IL6ST: variants seen among roughly 807,000 people sequenced by gnomAD.
The protein encoded by IL6ST is interleukin 6 cytokine family signal transducer.
Under a neutral mutation model 91.3 loss-of-function variants are expected in IL6ST, and 24 were observed. The ratio of observed to expected loss-of-function variants is 0.26; its 90% CI spans 0.19 to 0.37. The LOEUF is 0.37. IL6ST is among the 10% of genes least tolerant of loss of function. The pLI is 1.00. For missense variants in IL6ST, 914 were observed against 1,078.5 expected (o/e 0.85, Z 2.14); for synonymous variants, 351 against 373.6 (o/e 0.94, Z 0.70).
At chr5:55,951,412 T>C in intron 14 of IL6ST, 52 bp downstream of exon 14, 2 of 1,418,176 alleles carry the variant, frequency 1.4e-6, no homozygotes, top group Non-Finnish European at 2.0e-6. Flanking sequence ...ACTAAGTTCA[T>C]TTCTAACCTA....
In IL6ST at chr5:55,936,684, A is replaced by G. The variant is rs568909129; in HGVS notation, c.*4398T>C. 1 of 193,434 alleles carries G rather than the reference A, an allele frequency of 5.2e-6. No individual in the cohort carries two copies. Among genetic ancestry groups the G allele is most frequent in the Admixed American group, 6.1e-5 (1 of 16,392 alleles). The allele number at this position is 193,434 out of a possible 1,614,324, so 12.0% of individuals were successfully genotyped here. A position where few individuals can be genotyped will look rare whatever the true frequency, so the allele number is the denominator to read the frequency against. On this transcript the variant is annotated 3_prime_UTR_variant, in exon 17 of 17. Coordinates refer to ENST00000381298, the MANE Select transcript of IL6ST (RefSeq NM_002184.4). ...GTATTTATTTCTTAAAATTTACTTA[A>G]GGGATTAGAGCTAATATATAATAGA...
chr5:55,952,666 C>T (rs1751709623), intron 11 of IL6ST, among the ~76,000 whole-genome samples: 1 of 152,102 alleles, frequency 6.6e-6, no homozygotes, highest in Admixed American at 6.6e-5. Context: ...TATGTCTTAC[C>T]TACAAGAGAG....
chr5:55,952,394 A>G, intron 11 of IL6ST, 43 bp from the exon 12 acceptor site: 1 of 1,164,132 alleles, frequency 8.6e-7, no homozygotes, highest in Non-Finnish European at 1.3e-6. Context: ...TCCATAATGA[A>G]AAAGTCAAGT....
At chr5:55,951,678 G>C in intron 13 of IL6ST, 74 bp from the exon 14 acceptor site, 1 of 1,406,300 alleles carries the variant, frequency 7.1e-7, no homozygotes, top group Non-Finnish European at 9.7e-7. Context: ...TTGGCATTGT[G>C]AAAGTGTTAA....
In IL6ST at chr5:55,939,530, C is replaced by T. The variant is rs1271927895; in HGVS notation, c.*1552G>A. ...CAAGTTTTCTTAGCTTTCTATTCTC[C>T]AATAACCTCTAGAAACTATTCTAAG... On this transcript the variant is annotated 3_prime_UTR_variant, in exon 17 of 17. Transcript: ENST00000381298. 3.9e-5 allele frequency: 8 copies of T among 205,624 alleles called. No homozygotes were observed. In the Admixed American group the frequency reaches 4.7e-4, roughly 12 times the overall value. 12.7% of individuals were successfully genotyped at this position (205,624 alleles called of 1,614,324 possible).
At chr5:55,942,643 A>G in intron 16 of IL6ST, 27 bp downstream of exon 16, 1 of 1,308,852 alleles carries the variant, frequency 7.6e-7, no homozygotes. Flanking sequence ...TGTATATTAT[A>G]AACAACTCAG....
intron 8 of IL6ST, among the ~76,000 whole-genome samples, chr5:55,959,463 T>A (rs573555991): frequency 4.6e-4 from 70 of 152,136 alleles, no homozygotes; most frequent in Middle Eastern, 3.2e-3. Flanking sequence ...GATAGGAAGG[T>A]CTCAAAATGA....
At position 55,982,815 on chromosome 5, in the gene IL6ST, T is replaced by G. The variant is rs1440219050; in HGVS notation, c.-103-4A>C. 3 of 398,180 alleles carry G rather than the reference T, an allele frequency of 7.5e-6. No homozygotes were observed. Among genetic ancestry groups the G allele is most frequent in the Admixed American group, 8.8e-5 (2 of 22,702 alleles). 24.7% of individuals were successfully genotyped at this position (398,180 alleles called of 1,614,324 possible). ...ATGCTTTTTCCATTGGGTTTCACTGTAAAGAGAGGAGAGTCTTGTTCAGAA... is the reference window on the plus strand; with the variant it reads ...ATGCTTTTTCCATTGGGTTTCACTGGAAAGAGAGGAGAGTCTTGTTCAGAA... On this transcript the variant is annotated splice_polypyrimidine_tract_variant and splice_region_variant and intron_variant, in intron 1 of 16. Transcript: ENST00000381298.
In IL6ST at chr5:55,936,290, G is replaced by A. The variant is rs1208582082; in HGVS notation, c.*4792C>T. 2.2e-5 allele frequency: 5 copies of A among 223,494 alleles called. No homozygotes were observed. The Admixed American group carries it at 2.9e-4, about 13-fold the overall frequency. The allele number at this position is 223,494 out of a possible 1,614,324, so 13.8% of individuals were successfully genotyped here. ...CAGAGTGCAGGGTGGGCACAGACAG[G>A]CCACAAGATGGCGCAGCACCTCCAT... On this transcript the variant is annotated 3_prime_UTR_variant, in exon 17 of 17. Transcript: ENST00000381298.
At position 55,969,639 on chromosome 5, in the gene IL6ST, A is replaced by C. The variant is rs150561363; in HGVS notation, c.281T>G (p.Ile94Arg). ...RTASSVTFTD[I>R]ASLNIQLTCN... is the part of the protein sequence containing the mutation. Reference sequence around the variant, plus strand: ...AGTGAGCTGAATATTTAATGAAGCTATATCTGTAAAGGTGACACTGGATGC... The same window carrying C: ...AGTGAGCTGAATATTTAATGAAGCTCTATCTGTAAAGGTGACACTGGATGC... Residue 94 changes from isoleucine to arginine, a missense_variant, in exon 4 of 17, where the codon ATA becomes AGA. Ile to Arg is a moderately conservative substitution (Grantham distance 97). Coordinates refer to ENST00000381298, the MANE Select transcript of IL6ST (RefSeq NM_002184.4). 7.4e-6 allele frequency: 12 copies of C among 1,611,472 alleles called. No homozygotes were observed. Among genetic ancestry groups the C allele is most frequent in the South Asian group, 1.1e-5 (1 of 91,028 alleles).
intron 16 of IL6ST, 77 bp from the exon 17 acceptor site, chr5:55,941,896 T>A: frequency 8.3e-7 from 1 of 1,211,232 alleles, no homozygotes; most frequent in Non-Finnish European, 1.2e-6. Flanking sequence ...AACTTCCCAG[T>A]AACTCTCAGT....
Position 55,937,676 on chromosome 5 carries a change from TA to T in IL6ST, c.*3405del, listed in dbSNP as rs1750624313. Reference sequence around the variant, plus strand: ...AGAAAAGTACAAATTTTTTAGAAAGTAATCTTATCAGCACAATATAATCTAA... The same window carrying T: ...AGAAAAGTACAAATTTTTTAGAAAGTATCTTATCAGCACAATATAATCTAA... On this transcript the variant is annotated 3_prime_UTR_variant, in exon 17 of 17. Transcript: ENST00000381298. The T allele has an allele frequency of 5.1e-6, 1 of 194,680 alleles. No homozygotes were observed. Among genetic ancestry groups the T allele is most frequent in the Non-Finnish European group, 1.1e-5 (1 of 93,998 alleles). The allele number at this position is 194,680 out of a possible 1,614,324, so 12.1% of individuals were successfully genotyped here. A position where few individuals can be genotyped will look rare whatever the true frequency, so the allele number is the denominator to read the frequency against.
At position 55,964,144 on chromosome 5, in the gene IL6ST, ACCT is replaced by A; in HGVS notation, c.657_658+1del. ...AACTCTCAAATTCAGGTTTATAACT[ACCT>A]TTATATACAGGATCAAAATTGATAT... On this transcript the variant is annotated splice_donor_variant and coding_sequence_variant, in exon 6 of 17. Transcript: ENST00000381298. LOFTEE classifies it high-confidence loss of function. 6.5e-7 allele frequency: 1 copy of A among 1,540,716 alleles called. No individual in the cohort carries two copies. The highest frequency in any genetic ancestry group is 8.8e-7 in the Non-Finnish European group (1 of 1,135,000).
intron 10 of IL6ST, among the ~76,000 whole-genome samples, chr5:55,955,769 C>T (rs1054068725): frequency 1.3e-4 from 20 of 152,118 alleles, no homozygotes; most frequent in African/African-American, 4.6e-4. Flanking sequence ...CCTGTTAATC[C>T]CAGCACTTTG....
chr5:55,972,239 G>A (rs1436484508), intron 3 of IL6ST, among the ~76,000 whole-genome samples: 3 of 152,156 alleles, frequency 2.0e-5, no homozygotes, highest in African/African-American at 4.8e-5. Context: ...TGGGCTGGGC[G>A]CAGTGGCTCA....
At chr5:55,955,076 T>A (rs192941478) in intron 10 of IL6ST, 84 bp from the exon 11 acceptor site, 2 of 963,540 alleles carry the variant, frequency 2.1e-6, no homozygotes, top group Admixed American at 2.4e-5. Flanking sequence ...CCAAAACATG[T>A]GATTTATCAA....
At chr5:55,988,296 G>T (rs1375394699) in intron 1 of IL6ST, among the ~76,000 whole-genome samples, 2 of 151,994 alleles carry the variant, frequency 1.3e-5, no homozygotes, top group East Asian at 3.8e-4. Flanking sequence ...TAATAAATAA[G>T]ATCTAAAAAT....
intron 1 of IL6ST, among the ~76,000 whole-genome samples, chr5:55,992,121 TCCC>T (rs1332682304): frequency 2.0e-5 from 3 of 152,160 alleles, no homozygotes; most frequent in African/African-American, 7.2e-5. Context: ...ATATGGAATT[TCCC>T]CCCACTTCAA....
intron 3 of IL6ST, among the ~76,000 whole-genome samples, chr5:55,970,212 T>C (rs1048048916): frequency 6.6e-6 from 1 of 152,094 alleles, no homozygotes; most frequent in African/African-American, 2.4e-5. Context: ...AACTAAACTC[T>C]CCAGAAAACA....
Sources: gnomAD v4.1 joint callset for allele counts (sites outside exome capture counted in the v4.1 genomes callset) on GRCh38, gnomAD v4.1.1 for gene constraint, MANE v1.5 for transcripts, NCBI Gene and HGNC (gene_info 2026-07-23, HGNC 2026-07-21) for gene names.